The following PDE1C variants were observed in gnomAD, a reference collection of about 807,000 sequenced individuals.
PDE1C encodes the protein dual specificity calcium/calmodulin-dependent 3',5'-cyclic nucleotide phosphodiesterase 1C.
In PDE1C, 62 loss-of-function variants were observed where a neutral mutation model predicts 93.1. The observed-to-expected ratio is 0.67, with a 90% CI of 0.54 to 0.82. The LOEUF is 0.82. Among genes scored for constraint, PDE1C ranks in the 40% least tolerant of loss-of-function variants. The probability of loss-of-function intolerance (pLI) is 0.00; values close to 1 mark genes in which losing one functional copy is unlikely to be tolerated. For synonymous variants in PDE1C, 325 were observed against 310.1 expected (o/e 1.05, Z -0.50); for missense variants, 742 against 884.6 (o/e 0.84, Z 2.04).
At chr7:31,902,912 CT>C (rs1260289561) in intron 2 of PDE1C, among the ~76,000 whole-genome samples, 1 of 151,628 alleles carries the variant, frequency 6.6e-6, no homozygotes, top group Non-Finnish European at 1.5e-5. Flanking sequence ...CATAATAGAT[CT>C]GTCCTAGTCT....
intron 16 of PDE1C, among the ~76,000 whole-genome samples, chr7:31,790,968 G>T (rs1168183741): frequency 6.6e-6 from 1 of 152,120 alleles, no homozygotes; most frequent in African/African-American, 2.4e-5. Flanking sequence ...AATTGGTGTT[G>T]CATGCTCTGC....
chr7:31,900,195 ATAAT>A (rs1266495105), intron 2 of PDE1C, among the ~76,000 whole-genome samples: 1 of 152,094 alleles, frequency 6.6e-6, no homozygotes, highest in African/African-American at 2.4e-5. Flanking sequence ...TACTTATATA[ATAAT>A]TGTTTTATAA....
At chr7:32,373,812 A>G (rs1486366774) in intron 1 of PDE1C, among the ~76,000 whole-genome samples, 1 of 152,122 alleles carries the variant, frequency 6.6e-6, no homozygotes, top group Non-Finnish European at 1.5e-5. Context: ...ACATGGCAAA[A>G]GCCCATCTCT....
Position 32,139,443 on chromosome 7 carries a change from G to A in PDE1C, c.308+30342C>T, listed in dbSNP as rs199931953. ...AATGAACCAAACAACCAATTCAAAA[G>A]GGAGGAAGAAGTATCCATATTTTAA... On this transcript the variant is annotated intron_variant, in intron 3 of 18. Coordinates refer to the PDE1C transcript ENST00000396193. Among the ~76,000 whole-genome samples, 404 of 150,930 alleles carry A rather than the reference G, an allele frequency of 2.7e-3. 1 individual carries two copies. The highest frequency in any genetic ancestry group is 9.2e-3 in the African/African-American group (379 of 41,146).
chr7:32,091,124 T>C (rs1797446624), intron 3 of PDE1C, among the ~76,000 whole-genome samples: 1 of 152,216 alleles, frequency 6.6e-6, no homozygotes, highest in Non-Finnish European at 1.5e-5. Flanking sequence ...TTCATAGCAG[T>C]AGTGCTTATT....
intron 1 of PDE1C, among the ~76,000 whole-genome samples, chr7:32,220,695 G>A (rs984560333): frequency 1.3e-5 from 2 of 152,184 alleles, no homozygotes; most frequent in Non-Finnish European, 2.9e-5. Context: ...GCAGGTGCCT[G>A]TAGTCCCAGC....
At chr7:31,696,529 C>T in the PDE1C span, among the ~76,000 whole-genome samples, 5 of 152,056 alleles carry the variant, frequency 3.3e-5, no homozygotes, top group African/African-American at 9.7e-5. Context: ...AGCAGGAGGG[C>T]GGAGGTATCA....
chr7:31,823,840 G>T (rs943973290), intron 13 of PDE1C, among the ~76,000 whole-genome samples: 1 of 152,122 alleles, frequency 6.6e-6, no homozygotes, highest in Admixed American at 6.6e-5. Flanking sequence ...ATATTAGAAA[G>T]CACCATCTTT....
intron 3 of PDE1C, among the ~76,000 whole-genome samples, chr7:32,096,287 C>A (rs1262130197): frequency 6.6e-6 from 1 of 152,126 alleles, no homozygotes; most frequent in African/African-American, 2.4e-5. Context: ...TCAACCAAAG[C>A]CGGGGAGAGG....
chr7:31,636,018 G>A, the PDE1C span, among the ~76,000 whole-genome samples: 3 of 152,082 alleles, frequency 2.0e-5, no homozygotes, highest in Non-Finnish European at 4.4e-5. Flanking sequence ...TTACAATCAC[G>A]GCAGAAGGCA....
the PDE1C span, among the ~76,000 whole-genome samples, chr7:31,718,738 G>A: frequency 1.6e-4 from 24 of 152,156 alleles, no homozygotes; most frequent in African/African-American, 5.8e-4. Context: ...CAAAAGGTGG[G>A]AACTCAGGGC....
intron 1 of PDE1C, among the ~76,000 whole-genome samples, chr7:32,279,835 A>T (rs1811513050): frequency 6.6e-6 from 1 of 152,298 alleles, no homozygotes; most frequent in East Asian, 1.9e-4. Flanking sequence ...AAATAAATAT[A>T]TAAGGGCAAA....
At chr7:31,670,887 G>A in the PDE1C span, among the ~76,000 whole-genome samples, 19 of 152,128 alleles carry the variant, frequency 1.2e-4, no homozygotes, top group South Asian at 2.1e-4. Context: ...GCTGGAGGTC[G>A]GAGACTATGG....
At chr7:32,363,965 T>C (rs1158898370) in intron 1 of PDE1C, among the ~76,000 whole-genome samples, 1 of 152,260 alleles carries the variant, frequency 6.6e-6, no homozygotes, top group Non-Finnish European at 1.5e-5. Context: ...GATATCATTG[T>C]CATTTTATAA....
At chr7:31,685,027 G>A in the PDE1C span, among the ~76,000 whole-genome samples, 3 of 151,956 alleles carry the variant, frequency 2.0e-5, no homozygotes, top group Non-Finnish European at 2.9e-5. Context: ...CACACCAACT[G>A]TGGTCCATTC....
chr7:32,097,744 T>G (rs1797826217), intron 3 of PDE1C, among the ~76,000 whole-genome samples: 1 of 152,186 alleles, frequency 6.6e-6, no homozygotes, highest in African/African-American at 2.4e-5. Flanking sequence ...AATGTGTAAC[T>G]GAGACTCACA....
At chr7:31,967,287 A>G (rs944807047) in intron 2 of PDE1C, among the ~76,000 whole-genome samples, 3 of 152,196 alleles carry the variant, frequency 2.0e-5, no homozygotes, top group African/African-American at 4.8e-5. Flanking sequence ...TATCACCACC[A>G]ATCCCACAGA....
At chr7:32,042,686 G>C (rs1057456149) in intron 2 of PDE1C, among the ~76,000 whole-genome samples, 3 of 152,164 alleles carry the variant, frequency 2.0e-5, no homozygotes, top group Non-Finnish European at 4.4e-5. Context: ...GGATAATCTG[G>C]CTAGGGGCTA....
At chr7:32,371,081 T>C (rs1449906130) in intron 1 of PDE1C, among the ~76,000 whole-genome samples, 1 of 152,086 alleles carries the variant, frequency 6.6e-6, no homozygotes, top group Non-Finnish European at 1.5e-5. Context: ...CAGCATCATC[T>C]CACATCACAT....
Sources: gnomAD v4.1 joint callset for allele counts (sites outside exome capture counted in the v4.1 genomes callset) on GRCh38, gnomAD v4.1.1 for gene constraint, MANE v1.5 for transcripts, NCBI Gene and HGNC (gene_info 2026-07-23, HGNC 2026-07-21) for gene names.